The following GNE variants were observed in gnomAD, a reference collection of about 807,000 sequenced individuals.
GNE encodes the protein bifunctional UDP-N-acetylglucosamine 2-epimerase/N-acetylmannosamine kinase.
A neutral mutation model predicts 61.8 loss-of-function variants in GNE; 41 were observed. The ratio of observed to expected loss-of-function variants is 0.66; its 90% confidence interval spans 0.52 to 0.86. GNE has a LOEUF of 0.86. Ranked by LOEUF, GNE falls within the 40% of genes least tolerant of loss-of-function variation. GNE has a pLI of 0.00. For missense variants in GNE, 608 were observed against 909.1 expected (o/e 0.67, Z 4.26); for synonymous variants, 264 against 326.4 (o/e 0.81, Z 2.06).
In GNE at chr9:36,218,246, C is replaced by T; in HGVS notation, c.1870G>A (p.Ala624Thr). The T allele has an allele frequency of 1.2e-6, 2 of 1,614,088 alleles. No homozygotes were observed. Among genetic ancestry groups the T allele is most frequent in the South Asian group, 1.1e-5 (1 of 91,078 alleles). ...MSVPKDEAVG[A>T]LHLIQAAKLG... Reference sequence around the variant, plus strand: ...TTCGCAGCTTGGATGAGATGGAGCGCACCCACAGCCTCATCTTTTGGCACT... The same window carrying T: ...TTCGCAGCTTGGATGAGATGGAGCGTACCCACAGCCTCATCTTTTGGCACT... Residue 624 changes from alanine (A) to threonine (T), a missense_variant, in exon 11 of 12, where the codon GCG (alanine) becomes ACG (threonine). Coordinates refer to ENST00000642385, the MANE Select transcript of GNE (RefSeq NM_005476.7). The surrounding 1 kb of genome is among the most constrained non-coding windows in gnomAD (Gnocchi z 4.1).
intron 6 of GNE, among the ~76,000 whole-genome samples, chr9:36,228,282 T>A (rs1158878775): frequency 1.3e-5 from 2 of 151,786 alleles, no homozygotes; most frequent in African/African-American, 4.9e-5. Context: ...TTAGTTTTTA[T>A]CTTTATATTT....
Position 36,217,035 on chromosome 9 carries a change from A to G in GNE, c.*330T>C. ...ATCCCAGGCAAGGCCTGAAGGTCTC[A>G]GTGGTATTAATACATTAGTAAGCAG... On this transcript the variant is annotated 3_prime_UTR_variant, in exon 12 of 12. Coordinates refer to ENST00000642385, the MANE Select transcript of GNE (RefSeq NM_005476.7). 1 of 375,558 alleles carries G rather than the reference A, an allele frequency of 2.7e-6. No individual in the cohort carries two copies. Among genetic ancestry groups the G allele is most frequent in the East Asian group, 6.3e-5 (1 of 15,846 alleles). The allele number at this position is 375,558 out of a possible 1,614,324, so 23.3% of individuals were successfully genotyped here.
At chr9:36,243,166 T>G (rs1170888034) in intron 3 of GNE, among the ~76,000 whole-genome samples, 1 of 152,152 alleles carries the variant, frequency 6.6e-6, no homozygotes, top group African/African-American at 2.4e-5. Flanking sequence ...CACTTCAGCC[T>G]CCGGAGTAGC....
chr9:36,215,957 A>G lies in GNE; in HGVS notation c.*1408T>C. 4.6e-6 allele frequency: 1 copy of G among 215,598 alleles called. No individual in the cohort carries two copies. The highest frequency in any genetic ancestry group is 6.2e-5 in the South Asian group (1 of 16,194). The allele number at this position is 215,598 out of a possible 1,614,324, so 13.4% of individuals were successfully genotyped here. Reference sequence around the variant, plus strand: ...TTTTGGGACAGTTAATCTCCTTTTAAAGGCTCTAAGTCCCAGTGGCTTCTC... The same window carrying G: ...TTTTGGGACAGTTAATCTCCTTTTAGAGGCTCTAAGTCCCAGTGGCTTCTC... On this transcript the variant is annotated 3_prime_UTR_variant, in exon 12 of 12. Coordinates refer to ENST00000642385, the MANE Select transcript of GNE (RefSeq NM_005476.7).
chr9:36,243,832 C>G (rs900302405), intron 3 of GNE, among the ~76,000 whole-genome samples: 1 of 151,840 alleles, frequency 6.6e-6, no homozygotes, highest in Non-Finnish European at 1.5e-5. Context: ...GAATGGAGTA[C>G]GTTATATAGC....
chr9:36,271,917 A>C (rs2133199173), intron 1 of GNE, among the ~76,000 whole-genome samples: 1 of 152,286 alleles, frequency 6.6e-6, no homozygotes, highest in African/African-American at 2.4e-5. Context: ...TGAGAAACAC[A>C]GTCAATAAAC....
rs1238993177 is a variant in GNE, at chr9:36,227,092, GACAA to G, written c.1281+152_1281+155del. The stretch of plus-strand genomic sequence containing the variant: ...ATGTTAATGATCAGTAAAATAGTGA[GACAA>G]ACATTGTAAAGGATCCACAAGTCAA... On this transcript the variant is annotated intron_variant, in intron 7 of 11. Coordinates refer to ENST00000642385, the MANE Select transcript of GNE (RefSeq NM_005476.7). Among the ~76,000 whole-genome samples the G allele has an allele frequency of 2.0e-5, 3 of 152,152 alleles. No individual in the cohort carries two copies. In the East Asian group the frequency reaches 5.8e-4, roughly 29 times the overall value.
intron 1 of GNE, among the ~76,000 whole-genome samples, chr9:36,253,985 C>T (rs183608930): frequency 1.4e-4 from 21 of 151,638 alleles, no homozygotes; most frequent in Non-Finnish European, 2.2e-4. Context: ...TGCAGTGAGC[C>T]GAGATTACAC....
chr9:36,264,801 A>C (rs1286281856), intron 1 of GNE, among the ~76,000 whole-genome samples: 1 of 152,218 alleles, frequency 6.6e-6, no homozygotes, highest in Admixed American at 6.5e-5. Context: ...GTAAAGAACT[A>C]ACCAATCATC....
intron 3 of GNE, among the ~76,000 whole-genome samples, chr9:36,237,251 T>C (rs559953412): frequency 1.2e-4 from 18 of 152,330 alleles, no homozygotes; most frequent in Non-Finnish European, 2.2e-4. Flanking sequence ...AAATTCACTG[T>C]TTTAAAACCC....
chr9:36,261,877 C>G (rs577466400), upstream of GNE, among the ~76,000 whole-genome samples: 1 of 148,998 alleles, frequency 6.7e-6, no homozygotes, highest in African/African-American at 2.5e-5. Context: ...GAGCGGAGAT[C>G]GCGCCACTGC....
At chr9:36,231,066 TAAA>T (rs529903965) in intron 5 of GNE, among the ~76,000 whole-genome samples, 56 of 68,358 alleles carry the variant, frequency 8.2e-4, no homozygotes, top group African/African-American at 2.0e-3. Flanking sequence ...ACTGCTTCAC[TAAA>T]AAAAAAAAAA....
chr9:36,219,746 C>G (rs1828498492), intron 10 of GNE, 92 bp downstream of exon 10: 3 of 1,159,812 alleles, frequency 2.6e-6, no homozygotes, highest in African/African-American at 1.5e-5. Flanking sequence ...GGGGAAACTT[C>G]TGGCTTCAGT....
chr9:36,264,178 G>C (rs534946925), intron 1 of GNE, among the ~76,000 whole-genome samples: 102 of 151,984 alleles, frequency 6.7e-4, no homozygotes, highest in Non-Finnish European at 1.2e-3. Flanking sequence ...TGTCACCCAG[G>C]CTTGAGTGCA....
rs1377588827 is a variant in GNE at position 36,227,349 on chromosome 9, C to T, written c.1180G>A (p.Glu394Lys). The part of the protein sequence containing the change: ...QKKFCFPPVK[E>K]NISQDIDHIL... ...TGGTCAATATCTTGAGAGATATTCT[C>T]CTTCACAGGAGGAAAGCAGAATTTC... The change falls in exon 7 of 12, where the codon GAG becomes AAG. Residue 394 changes from glutamate to lysine, a missense_variant. Coordinates refer to ENST00000642385, the MANE Select transcript of GNE (RefSeq NM_005476.7). 1.9e-6 allele frequency: 3 copies of T among 1,611,546 alleles called. No individual in the cohort carries two copies. Among genetic ancestry groups the T allele is most frequent in the Non-Finnish European group, 2.5e-6 (3 of 1,177,628 alleles).
upstream of GNE, among the ~76,000 whole-genome samples, chr9:36,259,734 C>T (rs1290909043): frequency 1.3e-5 from 2 of 152,204 alleles, no homozygotes; most frequent in South Asian, 2.1e-4. Flanking sequence ...GATCTCAGCT[C>T]ACTGAAACCT....
chr9:36,222,521 G>A (rs978171927), intron 9 of GNE, among the ~76,000 whole-genome samples: 5 of 152,214 alleles, frequency 3.3e-5, no homozygotes, highest in African/African-American at 9.6e-5. Context: ...AAAAAGACTG[G>A]GAGGAAAAGC....
chr9:36,241,748 A>G (rs937435366), intron 3 of GNE, among the ~76,000 whole-genome samples: 12 of 152,114 alleles, frequency 7.9e-5, no homozygotes, highest in African/African-American at 2.9e-4. Flanking sequence ...TAAAATTAAG[A>G]TTGTTATATA....
chr9:36,249,189 T>C lies in GNE; in HGVS notation c.164+3A>G. The C allele has an allele frequency of 6.2e-7, 1 of 1,609,626 alleles. No individual in the cohort carries two copies. On this transcript the variant is annotated splice_donor_region_variant and intron_variant, in intron 2 of 11. Coordinates refer to ENST00000642385, the MANE Select transcript of GNE (RefSeq NM_005476.7). ...GAAGAATAAGAAAATGCTTTCATCTTACCCATAGTCATCTATCAGGTGAGA... is the reference window on the plus strand; with the variant it reads ...GAAGAATAAGAAAATGCTTTCATCTCACCCATAGTCATCTATCAGGTGAGA...
Sources: gnomAD v4.1 joint callset for allele counts (sites outside exome capture counted in the v4.1 genomes callset) on GRCh38, gnomAD v4.1.1 for gene constraint, Gnocchi (gnomAD v3.1) non-coding constraint, MANE v1.5 for transcripts, NCBI Gene and HGNC (gene_info 2026-07-23, HGNC 2026-07-21) for gene names.